The following COL5A2 variants were observed in gnomAD, a reference collection of about 807,000 sequenced individuals.
COL5A2 encodes the protein collagen type V alpha 2 chain.
In COL5A2, 23 loss-of-function variants were observed where a neutral mutation model predicts 208.2. That is an observed-to-expected ratio of 0.11 (90% CI 0.08 to 0.16). The LOEUF is 0.16. Ranked by LOEUF, COL5A2 falls within the 10% of genes least tolerant of loss-of-function variation. COL5A2 has a pLI of 1.00. For missense variants in COL5A2, 1,590 were observed against 1,956.4 expected, an observed-to-expected ratio of 0.81 and a Z score of 3.53; for synonymous variants, 625 against 628.5, an observed-to-expected ratio of 0.99 and a Z score of 0.08.
chr2:189,290,244 T>C, the COL5A2 span, among the ~76,000 whole-genome samples: 1 of 152,200 alleles, frequency 6.6e-6, no homozygotes, highest in African/African-American at 2.4e-5. Flanking sequence ...TAGGTTTGTG[T>C]AAGCACACGC....
the COL5A2 span, among the ~76,000 whole-genome samples, chr2:189,396,696 A>T: frequency 7.1e-5 from 10 of 140,424 alleles, no homozygotes; most frequent in Non-Finnish European, 1.4e-4. Flanking sequence ...AAAAAAGAAT[A>T]AATGAGGCCG....
chr2:189,213,661 A>C (rs569175539), intron 1 of COL5A2, among the ~76,000 whole-genome samples: 1 of 152,326 alleles, frequency 6.6e-6, no homozygotes, highest in Non-Finnish European at 1.5e-5. Flanking sequence ...TGGAGAGAGA[A>C]TTTATAGATT....
At chr2:189,258,259 T>G in the COL5A2 span, among the ~76,000 whole-genome samples, 30 of 152,352 alleles carry the variant, frequency 2.0e-4, no homozygotes, top group East Asian at 5.8e-3. Context: ...CATGCAAAAG[T>G]ATGAGTCCAG....
upstream of COL5A2, among the ~76,000 whole-genome samples, chr2:189,184,284 A>AC (rs1248173102): frequency 3.1e-3 from 470 of 151,284 alleles, 1 homozygote; most frequent in Non-Finnish European, 4.8e-3. Context: ...AAAAAAAAAA[A>AC]TCACCAGAAA....
chr2:189,289,374 G>T, the COL5A2 span, among the ~76,000 whole-genome samples: 1 of 151,810 alleles, frequency 6.6e-6, no homozygotes, highest in African/African-American at 2.4e-5. Flanking sequence ...GAAAAGAAAA[G>T]AAATGTACCT....
the COL5A2 span, among the ~76,000 whole-genome samples, chr2:189,310,798 T>C: frequency 6.6e-6 from 1 of 152,038 alleles, no homozygotes; most frequent in Non-Finnish European, 1.5e-5. Flanking sequence ...CTGGAGATCA[T>C]TATGTTAAGC....
chr2:189,430,086 C>T, the COL5A2 span, among the ~76,000 whole-genome samples: 43 of 152,316 alleles, frequency 2.8e-4, no homozygotes, highest in African/African-American at 9.6e-4. Flanking sequence ...ACACGGGCCA[C>T]AGCATATTAG....
the COL5A2 span, among the ~76,000 whole-genome samples, chr2:189,377,164 C>T: frequency 7.2e-5 from 11 of 152,272 alleles, no homozygotes; most frequent in Admixed American, 5.9e-4. Context: ...CCTGCAGAAC[C>T]GTACCCAGGC....
At chr2:189,304,408 A>T in the COL5A2 span, among the ~76,000 whole-genome samples, 1 of 152,220 alleles carries the variant, frequency 6.6e-6, no homozygotes, top group African/African-American at 2.4e-5. Flanking sequence ...CAGATAATTT[A>T]TAAAGAAAAG....
At chr2:189,173,499 A>G (rs1688613955) in intron 1 of COL5A2, among the ~76,000 whole-genome samples, 1 of 152,200 alleles carries the variant, frequency 6.6e-6, no homozygotes, top group South Asian at 2.1e-4. Context: ...AGTACTTCCC[A>G]TGCAAATGCC....
At chr2:189,364,853 T>C in the COL5A2 span, among the ~76,000 whole-genome samples, 6 of 152,148 alleles carry the variant, frequency 3.9e-5, no homozygotes, top group Non-Finnish European at 8.8e-5. Flanking sequence ...AGGTAAAAAC[T>C]AAGGAAATCT....
Position 189,079,095 on chromosome 2 carries a change from G to A in COL5A2, c.973C>T (p.Pro325Ser). The A allele has an allele frequency of 3.1e-6, 5 of 1,612,808 alleles. No homozygotes were observed. Among genetic ancestry groups the A allele is most frequent in the Non-Finnish European group, 4.2e-6 (5 of 1,179,122 alleles). Residue 325 changes from proline (P) to serine (S), a missense_variant, in exon 15 of 54, where the codon CCC becomes TCC. Coordinates refer to ENST00000374866, the MANE Select transcript of COL5A2 (RefSeq NM_000393.5). Reference sequence around the variant, plus strand: ...CCCATGGCACCCATTGGACCAGTGGGGCCAGCTTCACCCTAAAAAAAAATG... The same window carrying A: ...CCCATGGCACCCATTGGACCAGTGGAGCCAGCTTCACCCTAAAAAAAAATG... ...GAPGSKGEAG[P>S]TGPMGAMGPL...
At chr2:189,244,698 G>T in the COL5A2 span, among the ~76,000 whole-genome samples, 1 of 152,272 alleles carries the variant, frequency 6.6e-6, no homozygotes, top group East Asian at 1.9e-4. Flanking sequence ...CTTCTTCTGA[G>T]TCCTCCAAAC....
In COL5A2 at chr2:189,062,861, A is replaced by G. The variant is rs1686064895; in HGVS notation, c.1977+4T>C. On this transcript the variant is annotated splice_donor_region_variant and intron_variant, in intron 29 of 53. Coordinates refer to ENST00000374866, the MANE Select transcript of COL5A2 (RefSeq NM_000393.5). ...TCACACACACACACACAAAAATCACATACCGGCGGGCCCACAGGACCAGAA... is the reference window on the plus strand; with the variant it reads ...TCACACACACACACACAAAAATCACGTACCGGCGGGCCCACAGGACCAGAA... The G allele has an allele frequency of 6.2e-7, 1 of 1,614,082 alleles. No individual in the cohort carries two copies. Among genetic ancestry groups the G allele is most frequent in the Non-Finnish European group, 8.5e-7 (1 of 1,180,004 alleles).
intron 41 of COL5A2, 29 bp downstream of exon 41, chr2:189,052,143 C>T (rs1685803091): frequency 1.3e-6 from 2 of 1,591,728 alleles, no homozygotes; most frequent in Non-Finnish European, 1.7e-6. Flanking sequence ...ATTTCATTAT[C>T]AGTGACTTGT....
At chr2:189,311,668 C>A in the COL5A2 span, 1 of 762,882 alleles carries the variant, frequency 1.3e-6, no homozygotes, top group Non-Finnish European at 2.3e-6. Context: ...GCTCCATGAG[C>A]ATCATCTCAG....
intron 1 of COL5A2, among the ~76,000 whole-genome samples, chr2:189,168,675 T>A (rs1249032711): frequency 6.6e-6 from 1 of 152,152 alleles, no homozygotes; most frequent in African/African-American, 2.4e-5. Context: ...ATAAATAAAT[T>A]GTATTTGCTA....
At chr2:189,118,797 C>T (rs2105730892) in intron 1 of COL5A2, among the ~76,000 whole-genome samples, 1 of 152,082 alleles carries the variant, frequency 6.6e-6, no homozygotes, top group South Asian at 2.1e-4. Context: ...CAGTTTTGTT[C>T]TGCTTTACAC....
At chr2:189,212,861 TTAAATA>T (rs1190549646) in intron 1 of COL5A2, among the ~76,000 whole-genome samples, 3 of 100,072 alleles carry the variant, frequency 3.0e-5, no homozygotes, top group Non-Finnish European at 5.8e-5. Flanking sequence ...AAATATAGTG[TTAAATA>T]TATATATATA....
Sources: allele counts gnomAD v4.1 joint callset (sites outside exome capture counted in the v4.1 genomes callset), GRCh38; gene constraint gnomAD v4.1.1; transcripts MANE v1.5; gene names NCBI Gene and HGNC (gene_info 2026-07-23, HGNC 2026-07-21).